PDZRN4: variants seen among roughly 807,000 people sequenced by gnomAD.
PDZRN4 encodes the protein PDZ domain containing ring finger 4, also known as PDZ domain-containing RING finger protein 4.
A neutral mutation model predicts 99.0 loss-of-function variants in PDZRN4; 70 were observed. That is an observed-to-expected ratio of 0.71 (90% CI 0.58 to 0.86). PDZRN4 has a LOEUF of 0.86. PDZRN4 is among the 40% of genes least tolerant of loss of function. The probability of loss-of-function intolerance (pLI) is 0.00; values close to 1 mark genes in which losing one functional copy is unlikely to be tolerated. For synonymous variants in PDZRN4, 551 were observed against 501.6 expected, an observed-to-expected ratio of 1.10 and a Z score of -1.32; for missense variants, 1,474 against 1,331.2, an observed-to-expected ratio of 1.11 and a Z score of -1.67.
At chr12:41,189,570 A>G (rs957768464) in intron 1 of PDZRN4, among the ~76,000 whole-genome samples, 5 of 152,076 alleles carry the variant, frequency 3.3e-5, no homozygotes, top group African/African-American at 2.4e-5. Context: ...GCGCACGCAC[A>G]CCTGGGACTG....
chr12:41,291,145 C>A (rs1951454287), intron 3 of PDZRN4, among the ~76,000 whole-genome samples: 1 of 152,030 alleles, frequency 6.6e-6, no homozygotes, highest in Non-Finnish European at 1.5e-5. Flanking sequence ...ACTTTTTGCA[C>A]AGATATAATA....
chr12:41,323,335 T>C (rs1008274143), intron 3 of PDZRN4, among the ~76,000 whole-genome samples: 2 of 152,170 alleles, frequency 1.3e-5, no homozygotes, highest in Non-Finnish European at 2.9e-5. Flanking sequence ...ATAATTTACC[T>C]TCTTAGTAAT....
chr12:41,438,027 C>T, intron 3 of PDZRN4: 2 of 1,613,050 alleles, frequency 1.2e-6, no homozygotes, highest in African/African-American at 2.7e-5. Context: ...AGTGCAGGGT[C>T]TGATACCAGC....
chr12:41,488,126 G>C (rs559453099), intron 3 of PDZRN4, among the ~76,000 whole-genome samples: 4 of 152,232 alleles, frequency 2.6e-5, no homozygotes, highest in Non-Finnish European at 5.9e-5. Flanking sequence ...ATGTATCACT[G>C]CCTTTTAGCC....
At chr12:41,485,889 A>G (rs1937764578) in intron 3 of PDZRN4, among the ~76,000 whole-genome samples, 1 of 152,182 alleles carries the variant, frequency 6.6e-6, no homozygotes, top group African/African-American at 2.4e-5. Flanking sequence ...AAATACACCT[A>G]AAGGTATGCT....
intron 3 of PDZRN4, among the ~76,000 whole-genome samples, chr12:41,440,095 A>T (rs1952665788): frequency 1.3e-5 from 2 of 152,146 alleles, no homozygotes; most frequent in Non-Finnish European, 1.5e-5. Flanking sequence ...AGCTTCCCCC[A>T]TAAGAGAGGA....
At chr12:41,260,100 T>C (rs1951227420) in intron 3 of PDZRN4, among the ~76,000 whole-genome samples, 1 of 152,194 alleles carries the variant, frequency 6.6e-6, no homozygotes, top group Non-Finnish European at 1.5e-5. Context: ...CTATCAAAAA[T>C]ACTGAAAGCA....
intron 3 of PDZRN4, among the ~76,000 whole-genome samples, chr12:41,218,162 G>A (rs902149215): frequency 1.3e-5 from 2 of 152,094 alleles, no homozygotes; most frequent in African/African-American, 4.8e-5. Flanking sequence ...TCTTTCATCT[G>A]ATTTGTGGCA....
At chr12:41,274,190 G>C (rs985737707) in intron 3 of PDZRN4, among the ~76,000 whole-genome samples, 3 of 151,638 alleles carry the variant, frequency 2.0e-5, no homozygotes, top group Non-Finnish European at 4.4e-5. Flanking sequence ...GTGTAAAGCT[G>C]GTATTTTCCT....
chr12:41,206,487 C>T (rs1291343308), intron 3 of PDZRN4, among the ~76,000 whole-genome samples: 1 of 146,210 alleles, frequency 6.8e-6, no homozygotes, highest in Non-Finnish European at 1.5e-5. Context: ...TATCACGTAC[C>T]ATATTAATAA....
chr12:41,234,944 G>C (rs957174693), intron 3 of PDZRN4, among the ~76,000 whole-genome samples: 6 of 152,032 alleles, frequency 3.9e-5, no homozygotes, highest in African/African-American at 1.4e-4. Flanking sequence ...GCACTCCTCA[G>C]ACCCCAGCTT....
intron 3 of PDZRN4, among the ~76,000 whole-genome samples, chr12:41,213,470 G>A (rs1393058418): frequency 6.6e-6 from 1 of 152,014 alleles, no homozygotes; most frequent in Non-Finnish European, 1.5e-5. Context: ...ACAGTCATGA[G>A]CGCATGCAAT....
At chr12:41,424,267 T>A (rs1033505067) in intron 3 of PDZRN4, among the ~76,000 whole-genome samples, 1 of 152,198 alleles carries the variant, frequency 6.6e-6, no homozygotes, top group African/African-American at 2.4e-5. Flanking sequence ...TGATTTTGCT[T>A]CAAGGGATCT....
At chr12:41,373,103 A>G (rs567747154) in intron 3 of PDZRN4, among the ~76,000 whole-genome samples, 1 of 152,234 alleles carries the variant, frequency 6.6e-6, no homozygotes, top group South Asian at 2.1e-4. Flanking sequence ...AAGGTGAGGG[A>G]GTGTATGAAT....
intron 3 of PDZRN4, among the ~76,000 whole-genome samples, chr12:41,465,102 G>A (rs150732610): frequency 0.014 from 2,125 of 152,198 alleles, 19 homozygotes; most frequent in African/African-American, 0.017. Context: ...TGGGATTACA[G>A]GCATGAGCCA....
At chr12:41,417,760 A>G (rs74950353) in intron 3 of PDZRN4, among the ~76,000 whole-genome samples, 4,698 of 152,282 alleles carry the variant, frequency 0.031, 244 homozygotes, top group African/African-American at 0.11. Context: ...AAATAATATG[A>G]CCAGAAGTGC....
At chr12:41,232,514 C>T (rs1331324227) in intron 3 of PDZRN4, among the ~76,000 whole-genome samples, 2 of 152,116 alleles carry the variant, frequency 1.3e-5, no homozygotes. Flanking sequence ...CTTATCCTTA[C>T]ATGTTTAGCA....
At chr12:41,302,949 CA>C (rs1389394433) in intron 3 of PDZRN4, among the ~76,000 whole-genome samples, 1 of 128,982 alleles carries the variant, frequency 7.8e-6, no homozygotes, top group East Asian at 2.3e-4. Flanking sequence ...CACACACACA[CA>C]CACACACACA....
chr12:41,245,763 CA>C (rs1208157982), intron 3 of PDZRN4, among the ~76,000 whole-genome samples: 1 of 152,044 alleles, frequency 6.6e-6, no homozygotes, highest in Admixed American at 6.5e-5. Context: ...GCAGAGGAAA[CA>C]GTATTTAGAC....
Sources: gnomAD v4.1 joint callset for allele counts (sites outside exome capture counted in the v4.1 genomes callset) on GRCh38, gnomAD v4.1.1 for gene constraint, MANE v1.5 for transcripts, NCBI Gene and HGNC (gene_info 2026-07-23, HGNC 2026-07-21) for gene names.